RBFOX2: variants seen among roughly 807,000 people sequenced by gnomAD.
The protein encoded by RBFOX2 is RNA binding fox-1 homolog 2.
A neutral mutation model predicts 49.1 loss-of-function variants in RBFOX2; 10 were observed. The ratio of observed to expected loss-of-function variants is 0.20; its 90% CI spans 0.13 to 0.35. The LOEUF is 0.35. RBFOX2 is among the 10% of genes least tolerant of loss of function. The probability of loss-of-function intolerance (pLI) is 1.00; values close to 1 mark genes in which losing one functional copy is unlikely to be tolerated. For synonymous variants in RBFOX2, 183 were observed against 187.4 expected (o/e 0.98, Z 0.19); for missense variants, 323 against 486.9 (o/e 0.66, Z 3.17).
intron 1 of RBFOX2, among the ~76,000 whole-genome samples, chr22:35,850,584 T>G (rs1385063649): frequency 6.6e-6 from 1 of 152,284 alleles, no homozygotes; most frequent in East Asian, 1.9e-4. Context: ...GGAAAGGTCT[T>G]TTCAGAAAAG....
intron 4 of RBFOX2, among the ~76,000 whole-genome samples, chr22:35,770,005 C>CAG (rs1283156581): frequency 2.0e-4 from 30 of 152,214 alleles, no homozygotes; most frequent in South Asian, 1.0e-3. Flanking sequence ...AGTTAATACT[C>CAG]TCCTAAAGAA....
rs550191956 is a variant in RBFOX2 at position 35,973,297 on chromosome 22, A to C, written c.187-34400T>G. ...AATAAATCTGAAGATTATATTTCAC[A>C]ATGAAATTTAAAGGCTGGCGCTATA... On this transcript the variant is annotated intron_variant, in intron 1 of 13. Coordinates refer to the RBFOX2 transcript ENST00000438146. Among the ~76,000 whole-genome samples, 75 of 152,324 alleles carry C rather than the reference A, an allele frequency of 4.9e-4. 1 individual carries two copies. Among genetic ancestry groups the C allele is most frequent in the South Asian group, 3.5e-3 (17 of 4,830 alleles).
At chr22:35,851,970 A>G (rs1432976144) in intron 1 of RBFOX2, among the ~76,000 whole-genome samples, 1 of 152,172 alleles carries the variant, frequency 6.6e-6, no homozygotes, top group African/African-American at 2.4e-5. Context: ...GCCATACCTT[A>G]AGGGATTATA....
chr22:35,997,495 T>G (rs2058239924), intron 1 of RBFOX2: 1 of 152,238 alleles, frequency 6.6e-6, no homozygotes, highest in Non-Finnish European at 1.5e-5. Flanking sequence ...TTCAATTATT[T>G]CTTCCACAAA....
chr22:35,943,535 C>T (rs528128507), upstream of RBFOX2, among the ~76,000 whole-genome samples: 15 of 152,176 alleles, frequency 9.9e-5, no homozygotes, highest in South Asian at 2.1e-4. Context: ...CAATTAAAAC[C>T]GTTTAGAAGC....
chr22:35,848,892 T>C lies in RBFOX2; in HGVS notation c.-33-38888A>G, dbSNP rs556829290. ...ACAACAAAACTAAAGTCAAGAAAAA[T>C]TGAAGTTATTTGAGCATGAACATGG... On this transcript the variant is annotated intron_variant, in intron 1 of 13. Coordinates refer to the RBFOX2 transcript ENST00000359369. 4.6e-5 allele frequency among the ~76,000 whole-genome samples: 7 copies of C among 152,162 alleles called. No homozygotes were observed. The South Asian group carries it at 6.2e-4, about 14-fold the overall frequency.
At chr22:36,028,771 C>T (rs1485347778) in exon 1 of RBFOX2, among the ~76,000 whole-genome samples, 1 of 151,968 alleles carries the variant, frequency 6.6e-6, no homozygotes, top group Non-Finnish European at 1.5e-5. Context: ...ACCGGCCGCG[C>T]TGGCTCACAC....
At chr22:35,947,827 A>T (rs917754325) in intron 1 of RBFOX2, among the ~76,000 whole-genome samples, 1 of 152,136 alleles carries the variant, frequency 6.6e-6, no homozygotes, top group Non-Finnish European at 1.5e-5. Flanking sequence ...AAAAAATTTT[A>T]AAGTTTATAA....
At chr22:36,025,285 T>C (rs1184846927) in intron 1 of RBFOX2, among the ~76,000 whole-genome samples, 2 of 152,194 alleles carry the variant, frequency 1.3e-5, no homozygotes, top group Admixed American at 6.5e-5. Context: ...CTCCTCTACC[T>C]GAACCCTCTT....
In RBFOX2 at chr22:35,856,107, C is replaced by G. The variant is rs978432386; in HGVS notation, c.-33-46103G>C. ...GGAGAAACAGACCTAGACTTAGAAA[C>G]AGACCTAGTTATTCAAAATCTAGAC... On this transcript the variant is annotated intron_variant, in intron 1 of 13. Coordinates refer to the RBFOX2 transcript ENST00000359369. Among the ~76,000 whole-genome samples, 17 of 151,936 alleles carry G rather than the reference C, an allele frequency of 1.1e-4. 1 individual carries two copies. The highest frequency in any genetic ancestry group is 6.6e-4 in the Admixed American group (10 of 15,248).
At chr22:35,956,103 T>C (rs2055524133) in intron 1 of RBFOX2, among the ~76,000 whole-genome samples, 1 of 152,238 alleles carries the variant, frequency 6.6e-6, no homozygotes, top group Non-Finnish European at 1.5e-5. Flanking sequence ...TGTAACATTA[T>C]GTGTTGTTCA....
At chr22:35,753,771 CTTTTTTT>C (rs869178693) in intron 9 of RBFOX2, among the ~76,000 whole-genome samples, 2 of 54,470 alleles carry the variant, frequency 3.7e-5, no homozygotes, top group Admixed American at 2.5e-4. Context: ...GTAGACAAGT[CTTTTTTT>C]TTTTTTTTTT....
intron 2 of RBFOX2, among the ~76,000 whole-genome samples, chr22:35,794,045 T>C (rs1011449118): frequency 3.9e-5 from 6 of 152,186 alleles, no homozygotes; most frequent in Admixed American, 6.5e-5. Context: ...AATAGTGACA[T>C]GCACACAGAA....
chr22:36,017,842 G>A (rs1280304766), intron 1 of RBFOX2, among the ~76,000 whole-genome samples: 2 of 152,152 alleles, frequency 1.3e-5, no homozygotes, highest in Non-Finnish European at 2.9e-5. Context: ...TCTGAACACA[G>A]GAAACTAAAT....
intron 3 of RBFOX2, among the ~76,000 whole-genome samples, chr22:35,780,765 T>C (rs920862467): frequency 2.0e-5 from 3 of 152,202 alleles, no homozygotes; most frequent in African/African-American, 7.2e-5. Flanking sequence ...TTCAAAAAGG[T>C]TACATGAATT....
At chr22:35,930,005 A>G (rs2052170117) in intron 1 of RBFOX2, among the ~76,000 whole-genome samples, 1 of 150,882 alleles carries the variant, frequency 6.6e-6, no homozygotes, top group East Asian at 1.9e-4. Context: ...TAGAAATGAC[A>G]TCTTAATAGA....
rs903257629 is a variant in RBFOX2 at position 35,759,630 on chromosome 22, T to G, written c.887+258A>C. 1.3e-5 allele frequency among the ~76,000 whole-genome samples: 2 copies of G among 152,150 alleles called. No homozygotes were observed. The highest frequency in any genetic ancestry group is 2.9e-5 in the Non-Finnish European group (2 of 68,020). ...CACACTGCTAGTAAACACAAGACGG[T>G]TCTGGCTACTGTCTTAAGCCATTAC... is the stretch of plus-strand genomic sequence containing the variant. On this transcript the variant is annotated intron_variant, in intron 9 of 11. Transcript: ENST00000405409. This position sits in a 1 kb window ranked among gnomAD's most constrained non-coding sequence, Gnocchi z 4.6.
intron 1 of RBFOX2, among the ~76,000 whole-genome samples, chr22:35,953,410 G>A (rs544276746): frequency 6.6e-6 from 1 of 151,916 alleles, no homozygotes; most frequent in Non-Finnish European, 1.5e-5. Context: ...AGACATAAAA[G>A]GCCATATATT....
chr22:35,927,627 G>T (rs1255852477), intron 1 of RBFOX2, among the ~76,000 whole-genome samples: 1 of 115,862 alleles, frequency 8.6e-6, no homozygotes, highest in East Asian at 2.2e-4. Context: ...AAAAAAAAAA[G>T]CAGAAGAAAT....
Sources: allele counts gnomAD v4.1 joint callset (sites outside exome capture counted in the v4.1 genomes callset), GRCh38; gene constraint gnomAD v4.1.1; non-coding constraint Gnocchi (gnomAD v3.1); transcripts MANE v1.5; gene names NCBI Gene and HGNC (gene_info 2026-07-23, HGNC 2026-07-21).